The following PTPRT variants were observed in gnomAD, a reference collection of about 807,000 sequenced individuals.
PTPRT encodes the protein protein tyrosine phosphatase receptor type T.
In PTPRT, 56 loss-of-function variants were observed where a neutral mutation model predicts 176.8. The ratio of observed to expected loss-of-function variants is 0.32; its 90% CI spans 0.26 to 0.40. PTPRT has a LOEUF of 0.40. PTPRT is among the 10% of genes least tolerant of loss of function. The pLI is 1.00. For synonymous variants in PTPRT, 783 were observed against 739.0 expected (o/e 1.06, Z -0.96); for missense variants, 1,540 against 1,908.2 (o/e 0.81, Z 3.60).
intron 9 of PTPRT, among the ~76,000 whole-genome samples, chr20:42,398,471 A>C (rs754813108): frequency 5.3e-5 from 8 of 152,226 alleles, no homozygotes; most frequent in Non-Finnish European, 1.2e-4. Context: ...AAGATGGAGT[A>C]CTATATCGTC....
chr20:43,130,442 AC>A, intron 1 of PTPRT, among the ~76,000 whole-genome samples: 1 of 151,982 alleles, frequency 6.6e-6, no homozygotes, highest in Non-Finnish European at 1.5e-5. Flanking sequence ...TAAAGGCCAA[AC>A]CCATGACCTA....
At chr20:42,260,652 G>C (rs2056732962) in intron 13 of PTPRT, among the ~76,000 whole-genome samples, 1 of 152,092 alleles carries the variant, frequency 6.6e-6, no homozygotes, top group African/African-American at 2.4e-5. Flanking sequence ...CCAGTATAGA[G>C]CCAAGTACAA....
chr20:42,766,759 A>G (rs78397139), intron 5 of PTPRT, among the ~76,000 whole-genome samples: 2 of 152,194 alleles, frequency 1.3e-5, no homozygotes, highest in African/African-American at 4.8e-5. Context: ...CATACCTGCT[A>G]TGCTGGAAAC....
intron 2 of PTPRT, among the ~76,000 whole-genome samples, chr20:42,818,160 A>G (rs985245663): frequency 2.0e-5 from 3 of 152,152 alleles, no homozygotes; most frequent in Non-Finnish European, 4.4e-5. Flanking sequence ...CCCCAGAAGA[A>G]CGAGCAGGCA....
chr20:43,024,199 C>A (rs529199072), intron 1 of PTPRT, among the ~76,000 whole-genome samples: 5 of 152,286 alleles, frequency 3.3e-5, no homozygotes, highest in Middle Eastern at 3.4e-3. Flanking sequence ...CATAATGGAG[C>A]AATACTAGTG....
At chr20:42,515,003 GTAAAAATCA>G (rs1431323826) in intron 7 of PTPRT, among the ~76,000 whole-genome samples, 1 of 152,128 alleles carries the variant, frequency 6.6e-6, no homozygotes. Context: ...ATCCTCTTCT[GTAAAAATCA>G]GAGAACTCTC....
At chr20:42,690,132 G>A (rs3091984) in intron 6 of PTPRT, among the ~76,000 whole-genome samples, 3,706 of 152,142 alleles carry the variant, frequency 0.024, 180 homozygotes, top group African/African-American at 0.086. Flanking sequence ...GGTCATGCAC[G>A]GATGGTATAT....
chr20:42,107,558 G>A (rs1986579243), intron 23 of PTPRT, among the ~76,000 whole-genome samples: 1 of 152,190 alleles, frequency 6.6e-6, no homozygotes, highest in Admixed American at 6.5e-5. Context: ...AAAATGGTAG[G>A]GGAACTCAAC....
At chr20:42,785,469 T>C (rs2077275741) in intron 3 of PTPRT, among the ~76,000 whole-genome samples, 1 of 152,210 alleles carries the variant, frequency 6.6e-6, no homozygotes, top group African/African-American at 2.4e-5. Flanking sequence ...TGTCATTGGA[T>C]TTTCTGATAG....
chr20:42,661,181 G>A (rs2075217138), intron 7 of PTPRT, among the ~76,000 whole-genome samples: 1 of 152,132 alleles, frequency 6.6e-6, no homozygotes, highest in Non-Finnish European at 1.5e-5. Flanking sequence ...AAAATGGAGA[G>A]TGAGGAGGAG....
chr20:42,756,099 A>G (rs570250492), intron 6 of PTPRT, among the ~76,000 whole-genome samples: 18 of 152,364 alleles, frequency 1.2e-4, no homozygotes, highest in African/African-American at 4.3e-4. Context: ...AATCCCTCAG[A>G]AACAATAGTA....
chr20:42,352,041 G>T (rs2145521300), intron 10 of PTPRT, 43 bp downstream of exon 10: 1 of 1,579,026 alleles, frequency 6.3e-7, no homozygotes, highest in Non-Finnish European at 8.7e-7. Flanking sequence ...AGGAAGTGGG[G>T]GTGAAACAAC....
intron 1 of PTPRT, among the ~76,000 whole-genome samples, chr20:43,011,331 AC>A (rs146984487): frequency 0.034 from 5,136 of 152,170 alleles, 289 homozygotes; most frequent in African/African-American, 0.12. Flanking sequence ...CACCAGTCTT[AC>A]ATGTCTCCTC....
intron 9 of PTPRT, among the ~76,000 whole-genome samples, chr20:42,432,508 G>A (rs1443463423): frequency 1.3e-5 from 2 of 152,124 alleles, no homozygotes; most frequent in African/African-American, 4.8e-5. Context: ...TGGGGGAAAG[G>A]AAATCACACG....
chr20:42,077,869 T>C lies in PTPRT; in HGVS notation c.*3010A>G, dbSNP rs1982933566. Reference sequence around the variant, plus strand: ...GAAGTCACACCTTAAATTCCTACCATTTAAAATGATAAAAGCCACTGTCTT... The same window carrying C: ...GAAGTCACACCTTAAATTCCTACCACTTAAAATGATAAAAGCCACTGTCTT... On this transcript the variant is annotated 3_prime_UTR_variant, in exon 31 of 31. Coordinates refer to ENST00000373187, the MANE Select transcript of PTPRT (RefSeq NM_007050.6). 4.9e-6 allele frequency: 1 copy of C among 202,484 alleles called. No individual in the cohort carries two copies. The highest frequency in any genetic ancestry group is 2.3e-5 in the African/African-American group (1 of 43,370). 12.5% of individuals were successfully genotyped at this position (202,484 alleles called of 1,614,324 possible). A position where few individuals can be genotyped will look rare whatever the true frequency, so the allele number is the denominator to read the frequency against.
intron 2 of PTPRT, among the ~76,000 whole-genome samples, chr20:42,844,681 C>G (rs1354528012): frequency 6.6e-6 from 1 of 152,182 alleles, no homozygotes; most frequent in Non-Finnish European, 1.5e-5. Context: ...CTTCTGACCC[C>G]TCTCCCCTCT....
At chr20:42,447,261 G>C (rs565079054) in intron 9 of PTPRT, among the ~76,000 whole-genome samples, 10 of 151,952 alleles carry the variant, frequency 6.6e-5, no homozygotes, top group Non-Finnish European at 4.4e-5. Flanking sequence ...TTTCCCCCTC[G>C]TCAGATTCCC....
At chr20:42,462,562 G>A (rs1250270242) in intron 8 of PTPRT, among the ~76,000 whole-genome samples, 1 of 152,180 alleles carries the variant, frequency 6.6e-6, no homozygotes, top group Non-Finnish European at 1.5e-5. Context: ...AAGTCCTAGT[G>A]GGGCTGAATT....
At chr20:42,814,538 AATGAAC>A (rs2077750090) in intron 2 of PTPRT, among the ~76,000 whole-genome samples, 2 of 152,230 alleles carry the variant, frequency 1.3e-5, no homozygotes, top group African/African-American at 4.8e-5. Context: ...ACTCTGCAGT[AATGAAC>A]TTAGTTATCT....
Sources: gnomAD v4.1 joint callset for allele counts (sites outside exome capture counted in the v4.1 genomes callset) on GRCh38, gnomAD v4.1.1 for gene constraint, MANE v1.5 for transcripts, NCBI Gene and HGNC (gene_info 2026-07-23, HGNC 2026-07-21) for gene names.